RBM20: variants seen among roughly 807,000 people sequenced by gnomAD.
RBM20 encodes RNA-binding protein 20.
In RBM20, 51 loss-of-function variants were observed where a neutral mutation model predicts 110.1. That is an observed-to-expected ratio of 0.46 (90% CI 0.37 to 0.59). RBM20 has a LOEUF of 0.59. RBM20 is among the 20% of genes least tolerant of loss of function. The probability of loss-of-function intolerance (pLI) is 0.00; values close to 1 mark genes in which losing one functional copy is unlikely to be tolerated. For missense variants in RBM20, 1,512 were observed against 1,574.9 expected, an observed-to-expected ratio of 0.96 and a Z score of 0.68; for synonymous variants, 589 against 618.2, an observed-to-expected ratio of 0.95 and a Z score of 0.70.
chr10:110,666,882 A>G (rs1214372162), intron 1 of RBM20, among the ~76,000 whole-genome samples: 2 of 152,248 alleles, frequency 1.3e-5, no homozygotes, highest in Non-Finnish European at 2.9e-5. Flanking sequence ...AAAAACTGCC[A>G]CCAAAACATC....
At chr10:110,749,190 G>A (rs566726565) in intron 1 of RBM20, among the ~76,000 whole-genome samples, 20 of 152,232 alleles carry the variant, frequency 1.3e-4, no homozygotes, top group Non-Finnish European at 2.4e-4. Flanking sequence ...AAAAATAAAT[G>A]AAGCACAAGG....
At position 110,664,499 on chromosome 10, in the gene RBM20, C is replaced by T. The variant is rs903076119; in HGVS notation, c.191+19854C>T. 2.0e-5 allele frequency among the ~76,000 whole-genome samples: 3 copies of T among 152,148 alleles called. No homozygotes were observed. In the East Asian group the frequency reaches 5.8e-4, roughly 29 times the overall value. Reference sequence around the variant, plus strand: ...TGGTGGCTCATGCCTGTAATCCCAGCACTTTGGGAGGCTGAGAGGGAGGAA... The same window carrying T: ...TGGTGGCTCATGCCTGTAATCCCAGTACTTTGGGAGGCTGAGAGGGAGGAA... On this transcript the variant is annotated intron_variant, in intron 1 of 13. Coordinates refer to ENST00000369519, the MANE Select transcript of RBM20 (RefSeq NM_001134363.3).
chr10:110,814,217 A>G (rs1302393001), intron 9 of RBM20, among the ~76,000 whole-genome samples: 1 of 152,204 alleles, frequency 6.6e-6, no homozygotes, highest in Non-Finnish European at 1.5e-5. Context: ...ACATGTATAG[A>G]TGGAGTGCCA....
intron 1 of RBM20, among the ~76,000 whole-genome samples, chr10:110,667,465 A>C (rs1590605007): frequency 1.3e-5 from 2 of 152,076 alleles, no homozygotes; most frequent in Non-Finnish European, 2.9e-5. Flanking sequence ...GACAGTGGGG[A>C]AGATCCTGCC....
intron 1 of RBM20, among the ~76,000 whole-genome samples, chr10:110,755,707 A>G (rs925992022): frequency 7.2e-5 from 11 of 152,326 alleles, no homozygotes; most frequent in Non-Finnish European, 1.3e-4. Flanking sequence ...CTTGGGGGAA[A>G]AGGTGAGAGA....
At chr10:110,654,933 C>T (rs1861999977) in intron 1 of RBM20, among the ~76,000 whole-genome samples, 1 of 152,142 alleles carries the variant, frequency 6.6e-6, no homozygotes, top group South Asian at 2.1e-4. Flanking sequence ...ATTTTCAATC[C>T]ATTTACTTCA....
At chr10:110,826,352 G>A (rs1029576528) in intron 12 of RBM20, among the ~76,000 whole-genome samples, 11 of 152,082 alleles carry the variant, frequency 7.2e-5, no homozygotes, top group Non-Finnish European at 1.6e-4. Context: ...TCAAGACTGG[G>A]AACAATGTTC....
intron 1 of RBM20, among the ~76,000 whole-genome samples, chr10:110,733,787 G>T (rs985154439): frequency 1.3e-5 from 2 of 152,106 alleles, no homozygotes. Context: ...TTTCACTCTC[G>T]CTCTAAAGAT....
At chr10:110,811,913 C>T (rs917339316) in intron 8 of RBM20, among the ~76,000 whole-genome samples, 29 of 152,262 alleles carry the variant, frequency 1.9e-4, no homozygotes, top group Non-Finnish European at 3.8e-4. Flanking sequence ...CCCCAGCGCC[C>T]ACCCCGCACA....
chr10:110,644,281 G>C (rs927515960), upstream of RBM20: 12 of 458,630 alleles, frequency 2.6e-5, no homozygotes, highest in East Asian at 3.6e-4. This position sits in a 1 kb window ranked among gnomAD's most constrained non-coding sequence, Gnocchi z 4.3. Flanking sequence ...TGGAGCAGCG[G>C]GAGGAGGCGG....
chr10:110,777,577 G>A (rs1844282245), intron 1 of RBM20, among the ~76,000 whole-genome samples: 1 of 152,122 alleles, frequency 6.6e-6, no homozygotes, highest in East Asian at 1.9e-4. Flanking sequence ...AAGAAAACCT[G>A]GTTAGTTTTC....
intron 1 of RBM20, among the ~76,000 whole-genome samples, chr10:110,651,625 A>C (rs1358099727): frequency 6.6e-6 from 1 of 152,214 alleles, no homozygotes; most frequent in Non-Finnish European, 1.5e-5. Context: ...AGAGTCAGAG[A>C]ATGTAAACAT....
rs884019 is a variant in RBM20, at chr10:110,739,818, C to G, written c.192-40983C>G. ...TGGCCTGAGTATTGGGTGATTGTTG[C>G]GGTCATGAAGGCATGAGGCTTCTGT... On this transcript the variant is annotated intron_variant, in intron 1 of 13. Coordinates refer to ENST00000369519, the MANE Select transcript of RBM20 (RefSeq NM_001134363.3). The surrounding 1 kb of genome is among the most constrained non-coding windows in gnomAD (Gnocchi z 4.1). 2.1e-4 allele frequency among the ~76,000 whole-genome samples: 32 copies of G among 152,046 alleles called. No homozygotes were observed. The highest frequency in any genetic ancestry group is 7.5e-4 in the African/African-American group (31 of 41,470).
intron 7 of RBM20, among the ~76,000 whole-genome samples, chr10:110,804,080 A>G (rs558595933): frequency 1.3e-5 from 2 of 152,234 alleles, no homozygotes; most frequent in Admixed American, 6.5e-5. Context: ...CTTTCCTTCA[A>G]CAAGAGAAAG....
intron 1 of RBM20, among the ~76,000 whole-genome samples, chr10:110,750,732 A>G (rs1843842468): frequency 6.6e-6 from 1 of 152,174 alleles, no homozygotes; most frequent in Non-Finnish European, 1.5e-5. Context: ...GGGACTGACT[A>G]GGAGCATCAT....
At chr10:110,673,462 G>A (rs1310879071) in intron 1 of RBM20, among the ~76,000 whole-genome samples, 4 of 152,132 alleles carry the variant, frequency 2.6e-5, no homozygotes, top group African/African-American at 4.8e-5. Flanking sequence ...CACCCAGCTC[G>A]GCCTCCCAAA....
At chr10:110,697,728 T>A (rs1862686823) in intron 1 of RBM20, among the ~76,000 whole-genome samples, 1 of 152,098 alleles carries the variant, frequency 6.6e-6, no homozygotes, top group Non-Finnish European at 1.5e-5. Flanking sequence ...CTGGTCCTCA[T>A]CCTTCCCTCA....
chr10:110,643,323 TTC>T (rs57706889), upstream of RBM20, among the ~76,000 whole-genome samples: 26,306 of 152,174 alleles, frequency 0.17, 3,096 homozygotes, highest in African/African-American at 0.32. Context: ...CCGTAGACAT[TTC>T]TGTGTCAGGT....
At chr10:110,700,929 C>T (rs777072966) in intron 1 of RBM20, among the ~76,000 whole-genome samples, 7 of 152,076 alleles carry the variant, frequency 4.6e-5, no homozygotes, top group Non-Finnish European at 7.4e-5. Flanking sequence ...ACGGGAGAAT[C>T]GCTTGAACCC....
Sources: allele counts gnomAD v4.1 joint callset (sites outside exome capture counted in the v4.1 genomes callset), GRCh38; gene constraint gnomAD v4.1.1; non-coding constraint Gnocchi (gnomAD v3.1); transcripts MANE v1.5; gene names NCBI Gene and HGNC (gene_info 2026-07-23, HGNC 2026-07-21).